Variants in PAX8 observed in about 807,000 individuals in gnomAD.
PAX8 encodes paired box 8.
In PAX8, 15 loss-of-function variants were observed where a neutral mutation model predicts 52.4. The observed-to-expected ratio is 0.29, with a 90% confidence interval of 0.19 to 0.44. The LOEUF is 0.44. Among genes scored for constraint, PAX8 ranks in the 20% least tolerant of loss-of-function variants. PAX8 has a pLI of 1.00. For missense variants in PAX8, 554 were observed against 602.5 expected, an observed-to-expected ratio of 0.92 and a Z score of 0.84; for synonymous variants, 284 against 249.7, an observed-to-expected ratio of 1.14 and a Z score of -1.29.
chr2:113,223,493 G>C (rs1689376218), intron 10 of PAX8, among the ~76,000 whole-genome samples: 1 of 152,136 alleles, frequency 6.6e-6, no homozygotes, highest in Non-Finnish European at 1.5e-5. Context: ...AATCAGAGTA[G>C]CCTTTTAAAA....
At position 113,216,568 on chromosome 2, in the gene PAX8, G is replaced by A. The variant is rs921445988; in HGVS notation, c.*1965C>T. 3.5e-5 allele frequency: 8 copies of A among 230,038 alleles called. No homozygotes were observed. The highest frequency in any genetic ancestry group is 1.2e-4 in the East Asian group (2 of 16,198). 14.2% of individuals were successfully genotyped at this position (230,038 alleles called of 1,614,324 possible). On this transcript the variant is annotated 3_prime_UTR_variant, in exon 12 of 12. Coordinates refer to ENST00000429538, the MANE Select transcript of PAX8 (RefSeq NM_003466.4). ...GACAGCCCCCTGGAGTGCAGAGCCC[G>A]AGCTGTCACATTGCATTTCCCAGAT...
chr2:113,224,511 C>CACT (rs1007067278), intron 10 of PAX8, among the ~76,000 whole-genome samples: 1 of 141,662 alleles, frequency 7.1e-6, no homozygotes, highest in African/African-American at 2.7e-5. Flanking sequence ...CACACCACTA[C>CACT]ACTCCAGCCT....
intron 6 of PAX8, 87 bp downstream of exon 6, chr2:113,241,921 T>A: frequency 6.5e-7 from 1 of 1,534,130 alleles, no homozygotes; most frequent in Middle Eastern, 1.7e-4. Flanking sequence ...AAGTCCCATA[T>A]CATAAGTGGA....
At chr2:113,242,859 T>C in intron 4 of PAX8, 81 bp from the exon 5 acceptor site, 1 of 1,059,608 alleles carries the variant, frequency 9.4e-7, no homozygotes, top group South Asian at 1.3e-5. Context: ...GTCGCCTTTT[T>C]GACACCCCTT....
At chr2:113,278,704 G>A in intron 1 of PAX8, 127 bp downstream of exon 1, 1 of 634,198 alleles carries the variant, frequency 1.6e-6, no homozygotes. Context: ...CACTCCCTCC[G>A]CTGTCCCAGT....
At chr2:113,236,447 G>A (rs1381065056) in intron 8 of PAX8, 154 bp downstream of exon 8, 2 of 686,536 alleles carry the variant, frequency 2.9e-6, no homozygotes, top group African/African-American at 3.6e-5. Flanking sequence ...CCCGGCCTAG[G>A]ACCGGAGGCG....
chr2:113,242,874 G>A (rs866219608), intron 4 of PAX8, 96 bp from the exon 5 acceptor site: 1 of 880,124 alleles, frequency 1.1e-6, no homozygotes, highest in Non-Finnish European at 1.9e-6. Flanking sequence ...CCCCTTTTGG[G>A]TATCTCCAAG....
chr2:113,253,766 T>C (rs1691974436), intron 2 of PAX8, among the ~76,000 whole-genome samples: 1 of 152,158 alleles, frequency 6.6e-6, no homozygotes, highest in Non-Finnish European at 1.5e-5. Context: ...ATGGCTGTCA[T>C]AGAAAGGTAG....
At chr2:113,247,762 T>C (rs138528129) in intron 2 of PAX8, among the ~76,000 whole-genome samples, 1 of 152,380 alleles carries the variant, frequency 6.6e-6, no homozygotes, top group Admixed American at 6.5e-5. Context: ...GTGCTAACTA[T>C]GTGCCACGCA....
Position 113,236,730 on chromosome 2 carries a change from C to G in PAX8, c.778-9G>C, listed in dbSNP as rs769743390. On this transcript the variant is annotated splice_polypyrimidine_tract_variant and intron_variant, in intron 7 of 11. Transcript: ENST00000429538. ...GGCAGCGGGTAGAGGCCCTGGGGAG[C>G]AAAGAGAAGTCAGCGCACAGAGACG... 1 of 1,555,626 alleles carries G rather than the reference C, an allele frequency of 6.4e-7. No homozygotes were observed. The highest frequency in any genetic ancestry group is 1.2e-5 in the South Asian group (1 of 84,514).
At chr2:113,263,833 G>A (rs558019068) in intron 2 of PAX8, among the ~76,000 whole-genome samples, 71 of 152,242 alleles carry the variant, frequency 4.7e-4, no homozygotes, top group African/African-American at 1.7e-3. Context: ...GCTTGTGAAG[G>A]ATACAGATTC....
intron 3 of PAX8, among the ~76,000 whole-genome samples, chr2:113,245,651 A>G (rs996270028): frequency 1.3e-5 from 2 of 152,054 alleles, no homozygotes; most frequent in African/African-American, 2.4e-5. Context: ...TGGCAGATCA[A>G]CCGCCTGTGT....
intron 8 of PAX8, 131 bp from the exon 9 acceptor site, chr2:113,235,713 G>A: frequency 1.5e-6 from 1 of 683,364 alleles, no homozygotes; most frequent in South Asian, 1.9e-5. Flanking sequence ...CTCAGAGTCT[G>A]GGCTGGGGAG....
chr2:113,261,354 GGCCAGAAACCCCCAGAA>G (rs1394657073), intron 2 of PAX8, among the ~76,000 whole-genome samples: 1 of 152,148 alleles, frequency 6.6e-6, no homozygotes, highest in Admixed American at 6.5e-5. Flanking sequence ...GGGGAACAGA[GGCCAGAAACCCCCAGAA>G]GCTGGTACAG....
chr2:113,231,150 G>C (rs1228458193), intron 9 of PAX8, among the ~76,000 whole-genome samples: 5 of 152,138 alleles, frequency 3.3e-5, no homozygotes, highest in Admixed American at 2.0e-4. Context: ...ATCTCGTTCT[G>C]ATAGCAAGGA....
chr2:113,271,925 A>C (rs974635672), intron 2 of PAX8: 1 of 152,004 alleles, frequency 6.6e-6, no homozygotes, highest in East Asian at 1.9e-4. Flanking sequence ...CAGTCCTCAG[A>C]GAGAAGAATC....
intron 2 of PAX8, chr2:113,259,443 C>T (rs892736770): frequency 6.5e-6 from 1 of 153,132 alleles, no homozygotes; most frequent in African/African-American, 2.4e-5. Context: ...TCAAGTTCTT[C>T]CCGCAGACAC....
intron 2 of PAX8, chr2:113,266,331 C>A (rs980771644): frequency 3.3e-5 from 5 of 152,204 alleles, no homozygotes; most frequent in Non-Finnish European, 5.9e-5. Flanking sequence ...AAAAGACCAG[C>A]CTTTCTGTGT....
At chr2:113,268,826 C>T (rs1451364784) in intron 2 of PAX8, 1 of 152,376 alleles carries the variant, frequency 6.6e-6, no homozygotes, top group Non-Finnish European at 1.5e-5. Context: ...AGGAGAGTCT[C>T]AGGACAGCAG....
Sources: allele counts gnomAD v4.1 joint callset (sites outside exome capture counted in the v4.1 genomes callset), GRCh38; gene constraint gnomAD v4.1.1; transcripts MANE v1.5; gene names NCBI Gene and HGNC (gene_info 2026-07-23, HGNC 2026-07-21).